The following ZYG11A variants were observed in gnomAD, a reference collection of about 807,000 sequenced individuals.
ZYG11A encodes the protein zyg-11 family member A, cell cycle regulator.
ZYG11A carries 62 observed loss-of-function variants against 77.2 expected under a neutral mutation model. The ratio of observed to expected loss-of-function variants is 0.80; its 90% CI spans 0.65 to 0.99. The LOEUF is 0.99. Ranked by LOEUF, ZYG11A falls within the 50% of genes least tolerant of loss-of-function variation. The pLI, the probability that ZYG11A is intolerant of heterozygous loss-of-function variation, is 0.00. For missense variants in ZYG11A, 828 were observed against 896.8 expected (o/e 0.92, Z 0.98); for synonymous variants, 315 against 324.6 (o/e 0.97, Z 0.32).
In ZYG11A at chr1:52,857,112, G is replaced by A. The variant is rs12088002; in HGVS notation, c.371G>A (p.Arg124His). The change falls in exon 3 of 14, where the codon CGT (arginine) becomes CAT (histidine). Residue 124 changes from arginine to histidine, a missense_variant. Arg to His is a conservative substitution (Grantham distance 29). Coordinates refer to ENST00000371528, the MANE Select transcript of ZYG11A (RefSeq NM_001004339.3). ...GCTGCATTCATAAAAGCCTTCTGCC[G>A]TCATAAGCTCATTGAACTGAATGCT... ...STAAFIKAFC[R>H]HKLIELNATA... 3.6e-3 allele frequency: 5,648 copies of A among 1,551,702 alleles called. 135 individuals carry two copies. In the African/African-American group the frequency reaches 0.063, roughly 17 times the overall value.
intron 1 of ZYG11A, among the ~76,000 whole-genome samples, chr1:52,849,201 T>C (rs1052646500): frequency 2.0e-5 from 3 of 151,552 alleles, no homozygotes; most frequent in Non-Finnish European, 4.4e-5. Context: ...GTAGCTGGGA[T>C]TGGGATTACA....
Position 52,842,772 on chromosome 1 carries a change from T to C in ZYG11A, c.-112T>C, listed in dbSNP as rs1645469651. 3.9e-6 allele frequency: 4 copies of C among 1,013,296 alleles called. No individual in the cohort carries two copies. In the South Asian group the frequency reaches 6.0e-5, roughly 15 times the overall value. The allele number at this position is 1,013,296 out of a possible 1,614,324, so 62.8% of individuals were successfully genotyped here. On this transcript the variant is annotated 5_prime_UTR_variant, in exon 1 of 14. Coordinates refer to ENST00000371528, the MANE Select transcript of ZYG11A (RefSeq NM_001004339.3). ...GGCAGGGCGCGGCGCTAGCTCCGTG[T>C]GCCTCGCAGGCGTGGTGGGCGCGTC...
rs898703239 is a variant in ZYG11A, at chr1:52,894,716, C to T, written c.*1759C>T. ...TTCCAAACTATTACCAGAGTCCAAC[C>T]AGATAAGCAGAATTTGTAACCTTAC... is the stretch of plus-strand genomic sequence containing the variant. On this transcript the variant is annotated 3_prime_UTR_variant, in exon 14 of 14. Coordinates refer to ENST00000371528, the MANE Select transcript of ZYG11A (RefSeq NM_001004339.3). 9 of 152,346 alleles carry T rather than the reference C, an allele frequency of 5.9e-5. No individual in the cohort carries two copies. Among genetic ancestry groups the T allele is most frequent in the Admixed American group, 2.0e-4 (3 of 15,306 alleles). 9.4% of individuals were successfully genotyped at this position (152,346 alleles called of 1,614,324 possible).
chr1:52,843,321 T>C (rs1231984334), intron 1 of ZYG11A, among the ~76,000 whole-genome samples: 1 of 152,172 alleles, frequency 6.6e-6, no homozygotes, highest in Non-Finnish European at 1.5e-5. Context: ...TAGACGTAGG[T>C]GCAGGGCATG....
chr1:52,885,205 G>A (rs995916133), intron 11 of ZYG11A, among the ~76,000 whole-genome samples: 5 of 150,972 alleles, frequency 3.3e-5, no homozygotes, highest in Non-Finnish European at 5.9e-5. Flanking sequence ...CACCGTGCCC[G>A]GCCCACTCCT....
Position 52,844,789 on chromosome 1 carries a change from A to G in ZYG11A, c.90+1816A>G, listed in dbSNP as rs530651353. On this transcript the variant is annotated intron_variant, in intron 1 of 13. Coordinates refer to ENST00000371528, the MANE Select transcript of ZYG11A (RefSeq NM_001004339.3). The stretch of plus-strand genomic sequence containing the variant: ...GCCAGCAAATATTTTTTAAAACTTT[A>G]TATTACCTTGTGTATATATAAGAAT... Among the ~76,000 whole-genome samples, 18 of 152,044 alleles carry G rather than the reference A, an allele frequency of 1.2e-4. No homozygotes were observed. The South Asian group carries it at 3.3e-3, about 28-fold the overall frequency.
intron 8 of ZYG11A, among the ~76,000 whole-genome samples, 181 bp downstream of exon 8, chr1:52,867,958 CTTT>C (rs1050261180): frequency 2.0e-5 from 2 of 98,178 alleles, no homozygotes; most frequent in Admixed American, 1.1e-4. Flanking sequence ...CTCCACATTT[CTTT>C]TTTTTTTTTT....
At position 52,846,308 on chromosome 1, in the gene ZYG11A, TTTTATATATATATATATA is replaced by T. The variant is rs1385259056; in HGVS notation, c.90+3337_90+3354del. Among the ~76,000 whole-genome samples the T allele has an allele frequency of 2.2e-4, 27 of 124,894 alleles. 1 individual carries two copies. Among genetic ancestry groups the T allele is most frequent in the South Asian group, 1.0e-3 (4 of 4,018 alleles). The allele number at this position is 124,894 out of a possible 152,430, so 81.9% of individuals were successfully genotyped here. ...TTTTGGAAATCATGGCTTTTTAAATTTTTATATATATATATATATATATATATATATATATATATATAT... is the reference window on the plus strand; with the variant it reads ...TTTTGGAAATCATGGCTTTTTAAATTTATATATATATATATATATATATAT... On this transcript the variant is annotated intron_variant, in intron 1 of 13. Transcript: ENST00000371528.
intron 1 of ZYG11A, among the ~76,000 whole-genome samples, chr1:52,848,722 C>A (rs1645647410): frequency 6.6e-6 from 1 of 152,024 alleles, no homozygotes; most frequent in Non-Finnish European, 1.5e-5. Flanking sequence ...CAAAAATTAG[C>A]CAGATGTGAT....
chr1:52,848,412 T>G (rs483073), intron 1 of ZYG11A, among the ~76,000 whole-genome samples: 1 of 152,042 alleles, frequency 6.6e-6, no homozygotes, highest in Non-Finnish European at 1.5e-5. Context: ...TTTCCCATAT[T>G]GTGCTTTTTT....
At chr1:52,878,266 G>A (rs1037436564) in intron 10 of ZYG11A, among the ~76,000 whole-genome samples, 1 of 152,182 alleles carries the variant, frequency 6.6e-6, no homozygotes, top group Non-Finnish European at 1.5e-5. Flanking sequence ...CTCATGTGGG[G>A]TCACTTATGT....
At chr1:52,844,094 T>G (rs1012702039) in intron 1 of ZYG11A, among the ~76,000 whole-genome samples, 5 of 152,178 alleles carry the variant, frequency 3.3e-5, no homozygotes. Context: ...TTAGTTGACT[T>G]GCTCGTGAAC....
At chr1:52,874,664 T>A (rs1646230832) in intron 8 of ZYG11A, among the ~76,000 whole-genome samples, 1 of 151,954 alleles carries the variant, frequency 6.6e-6, no homozygotes, top group Non-Finnish European at 1.5e-5. Flanking sequence ...GTTAGGAGTT[T>A]GAGACCAGCC....
At chr1:52,870,675 A>G (rs973837389) in intron 8 of ZYG11A, among the ~76,000 whole-genome samples, 2 of 152,246 alleles carry the variant, frequency 1.3e-5, no homozygotes, top group Non-Finnish European at 2.9e-5. Flanking sequence ...CCCGGCCAAC[A>G]CAGTGAAACC....
intron 3 of ZYG11A, among the ~76,000 whole-genome samples, chr1:52,858,763 C>T (rs975700703): frequency 1.3e-5 from 2 of 151,714 alleles, no homozygotes; most frequent in African/African-American, 4.8e-5. Context: ...CAGGTGTGCA[C>T]CACCACACCT....
At chr1:52,890,662 A>C (rs1462417176) in intron 13 of ZYG11A, among the ~76,000 whole-genome samples, 1 of 151,798 alleles carries the variant, frequency 6.6e-6, no homozygotes, top group East Asian at 1.9e-4. Flanking sequence ...GCTGGAGTGC[A>C]GTGGCACAGT....
chr1:52,868,912 T>C (rs953662544), intron 8 of ZYG11A, among the ~76,000 whole-genome samples: 4 of 152,220 alleles, frequency 2.6e-5, no homozygotes, highest in Admixed American at 1.3e-4. Context: ...CTCGGCTCAC[T>C]GTAATCTCTG....
chr1:52,892,050 G>A lies in ZYG11A; in HGVS notation c.2105-732G>A, dbSNP rs566283349. Among the ~76,000 whole-genome samples, 30 of 150,586 alleles carry A rather than the reference G, an allele frequency of 2.0e-4. 1 individual carries two copies. The South Asian group carries it at 6.3e-3, about 32-fold the overall frequency. ...AGTAGCTGGGACTACAGGTGCCCAC[G>A]ACCACGCCCAGCTAATTTTTTTGTA... On this transcript the variant is annotated intron_variant, in intron 13 of 13. Coordinates refer to ENST00000371528, the MANE Select transcript of ZYG11A (RefSeq NM_001004339.3).
chr1:52,844,965 A>G (rs1645535086), intron 1 of ZYG11A, among the ~76,000 whole-genome samples: 1 of 152,060 alleles, frequency 6.6e-6, no homozygotes, highest in Non-Finnish European at 1.5e-5. Flanking sequence ...TTTAATTAAG[A>G]CGGTGGTTTC....
Sources: gnomAD v4.1 joint callset for allele counts (sites outside exome capture counted in the v4.1 genomes callset) on GRCh38, gnomAD v4.1.1 for gene constraint, MANE v1.5 for transcripts, NCBI Gene and HGNC (gene_info 2026-07-23, HGNC 2026-07-21) for gene names.